Variants in NBPF19 observed in about 807,000 individuals in gnomAD.
NBPF19 encodes NBPF family member NBPF19.
Under a neutral mutation model 45.9 loss-of-function variants are expected in NBPF19, and 30 were observed. The observed-to-expected ratio is 0.65, with a 90% CI of 0.49 to 0.89. The LOEUF (loss-of-function observed/expected upper bound fraction) is 0.89. NBPF19 is among the 40% of genes least tolerant of loss of function. NBPF19 has a pLI of 0.00. For missense variants in NBPF19, 495 were observed against 471.8 expected (o/e 1.05, Z -0.46); for synonymous variants, 183 against 181.2 (o/e 1.01, Z -0.08).
At chr1:149,516,351 G>GTCTC (rs1182865579) in intron 45 of NBPF19, among the ~76,000 whole-genome samples, 15 of 119,016 alleles carry the variant, frequency 1.3e-4, no homozygotes, top group Admixed American at 1.6e-4. Flanking sequence ...CTCTGTCTCT[G>GTCTC]TCTCTCTCTC....
Position 149,477,045 on chromosome 1 carries a change from G to A in NBPF19, c.176-900G>A, listed in dbSNP as rs1404812143. Among the ~76,000 whole-genome samples, 4 of 150,700 alleles carry A rather than the reference G, an allele frequency of 2.7e-5. No individual in the cohort carries two copies. The East Asian group carries it at 7.8e-4, about 29-fold the overall frequency. Reference sequence around the variant, plus strand: ...GTGCACAGGCTCTTGTTCCTAAAGAGGAAAGATCACACCGGAGAATGTGTG... The same window carrying A: ...GTGCACAGGCTCTTGTTCCTAAAGAAGAAAGATCACACCGGAGAATGTGTG... On this transcript the variant is annotated intron_variant, in intron 2 of 93. Coordinates refer to ENST00000651566, the MANE Select transcript of NBPF19 (RefSeq NM_001351365.2).
At chr1:149,484,383 A>G (rs2085387757) in intron 7 of NBPF19, among the ~76,000 whole-genome samples, 2 of 136,822 alleles carry the variant, frequency 1.5e-5, no homozygotes, top group African/African-American at 2.8e-5. Context: ...GCATTAGGAG[A>G]TATACCTAAT....
Position 149,554,415 on chromosome 1 carries a change from A to T in NBPF19, c.11289-80A>T, listed in dbSNP as rs1234579046. The T allele has an allele frequency of 4.5e-5, 72 of 1,606,148 alleles. 1 individual carries two copies. The Admixed American group carries it at 7.7e-4, about 17-fold the overall frequency. Reference sequence around the variant, plus strand: ...CTTTTTCTTTTCTAACCACTTCCTTATGTGACTTCTGAAATCTAGTGGGGC... The same window carrying T: ...CTTTTTCTTTTCTAACCACTTCCTTTTGTGACTTCTGAAATCTAGTGGGGC... On this transcript the variant is annotated intron_variant, in intron 93 of 93. Coordinates refer to ENST00000651566, the MANE Select transcript of NBPF19 (RefSeq NM_001351365.2).
In NBPF19 at chr1:149,487,517, T is replaced by G. The variant is rs1233556492; in HGVS notation, c.1040+134T>G. 3.3e-3 allele frequency: 3,364 copies of G among 1,004,984 alleles called. 108 individuals carry two copies. The highest frequency in any genetic ancestry group is 4.5e-3 in the Non-Finnish European group (2,865 of 639,196). The allele number at this position is 1,004,984 out of a possible 1,614,324, so 62.3% of individuals were successfully genotyped here. On this transcript the variant is annotated intron_variant, in intron 9 of 93. Coordinates refer to ENST00000651566, the MANE Select transcript of NBPF19 (RefSeq NM_001351365.2). Reference sequence around the variant, plus strand: ...TCTGAATTATGCCTAATACATTGCTTTTTTGTTCTCATTAGAGTAAATGTT... The same window carrying G: ...TCTGAATTATGCCTAATACATTGCTGTTTTGTTCTCATTAGAGTAAATGTT...
Position 149,555,058 on chromosome 1 carries a change from G to C in NBPF19, c.*320G>C, listed in dbSNP as rs2087215165. On this transcript the variant is annotated 3_prime_UTR_variant, in exon 94 of 94. Coordinates refer to ENST00000651566, the MANE Select transcript of NBPF19 (RefSeq NM_001351365.2). ...TTTCATTTTGCAGGCATGTCTCTGA[G>C]CTTCTATACCTGCTCAAGGTCAGTG... The C allele has an allele frequency of 2.3e-6, 1 of 425,740 alleles. No homozygotes were observed. The highest frequency in any genetic ancestry group is 2.0e-5 in the African/African-American group (1 of 49,418). 26.4% of individuals were successfully genotyped at this position (425,740 alleles called of 1,614,324 possible).
Position 149,478,922 on chromosome 1 carries a change from C to G in NBPF19, c.321C>G (p.Thr107=). Residue 107 remains threonine (T), a synonymous_variant, in exon 4 of 94, where the codon ACC becomes ACG. Coordinates refer to ENST00000651566, the MANE Select transcript of NBPF19 (RefSeq NM_001351365.2). ...TTCACTCTCAGGAACGAGAGCTGAC[C>G]CAGTTAAGGGAGAAGTTACGGGAAG... The part of the protein sequence containing the change: ...VLFHSQEREL[T]QLREKLREGR... The G allele has an allele frequency of 3.1e-6, 5 of 1,606,072 alleles. No individual in the cohort carries two copies. The highest frequency in any genetic ancestry group is 3.3e-5 in the Admixed American group (2 of 59,786).
chr1:149,519,861 G>A lies in NBPF19; in HGVS notation c.6055+1G>A. On this transcript the variant is annotated splice_donor_variant, in intron 50 of 93. Transcript: ENST00000651566. LOFTEE classifies it high-confidence loss of function. ...GTTGGCTTTTCTCTTGACGTGGGAG[G>A]TGAGTACCTTTCTATGAAGGTGATA... The A allele has an allele frequency of 2.2e-5, 1 of 46,312 alleles. No individual in the cohort carries two copies. Among genetic ancestry groups the A allele is most frequent in the Admixed American group, 5.1e-4 (1 of 1,942 alleles). 2.9% of individuals were successfully genotyped at this position (46,312 alleles called of 1,614,324 possible). A position where few individuals can be genotyped will look rare whatever the true frequency, so the allele number is the denominator to read the frequency against.
rs2085019205 is a variant in NBPF19 at position 149,479,195 on chromosome 1, T to C, written c.493+101T>C. 9 of 1,528,358 alleles carry C rather than the reference T, an allele frequency of 5.9e-6. 2 individuals are homozygous for C. Among genetic ancestry groups the C allele is most frequent in the Admixed American group, 3.4e-5 (2 of 58,850 alleles). 94.7% of individuals were successfully genotyped at this position (1,528,358 alleles called of 1,614,324 possible). A position where few individuals can be genotyped will look rare whatever the true frequency, so the allele number is the denominator to read the frequency against. ...GACAGTTATATCAGTGGGGTTTTTT[T>C]CTACTACACCTATGTGGCCATGACA... On this transcript the variant is annotated intron_variant, in intron 4 of 93. Coordinates refer to ENST00000651566, the MANE Select transcript of NBPF19 (RefSeq NM_001351365.2).
At chr1:149,487,516 T>C in intron 9 of NBPF19, 133 bp downstream of exon 9, 4 of 999,454 alleles carry the variant, frequency 4.0e-6, no homozygotes, top group Non-Finnish European at 4.7e-6. Flanking sequence ...AATACATTGC[T>C]TTTTTGTTCT....
chr1:149,486,018 T>C, intron 7 of NBPF19, 112 bp from the exon 8 acceptor site: 1 of 183,022 alleles, frequency 5.5e-6, no homozygotes, highest in South Asian at 3.0e-5. Flanking sequence ...AAAAATGCCT[T>C]TGGTTTCTGT....
rs1241855020 is a variant in NBPF19, at chr1:149,538,447, G to C, written c.8811-229G>C. 4.1e-4 allele frequency among the ~76,000 whole-genome samples: 14 copies of C among 34,362 alleles called. 2 individuals are homozygous for C. The highest frequency in any genetic ancestry group is 1.0e-3 in the Non-Finnish European group (13 of 13,048). 22.5% of individuals were successfully genotyped at this position (34,362 alleles called of 152,430 possible). The stretch of plus-strand genomic sequence containing the variant: ...TCTCTCTCTCTCTCTGTGTGTGTGT[G>C]TGTGTGTGTGTGTGTGTGTGTGTGT... On this transcript the variant is annotated intron_variant, in intron 73 of 93. Transcript: ENST00000651566.
intron 8 of NBPF19, 70 bp from the exon 9 acceptor site, chr1:149,487,262 T>A (rs2101607126): frequency 2.7e-6 from 3 of 1,128,982 alleles, no homozygotes; most frequent in East Asian, 2.3e-5. Flanking sequence ...GTGTTAGGAT[T>A]GGACAGAGGA....
chr1:149,484,671 C>T (rs2085410069), intron 7 of NBPF19, among the ~76,000 whole-genome samples: 1 of 143,250 alleles, frequency 7.0e-6, no homozygotes, highest in East Asian at 2.3e-4. Flanking sequence ...CAACCTTTCT[C>T]TCTGGCTGCC....
chr1:149,477,961 A>C lies in NBPF19; in HGVS notation c.192A>C (p.Lys64Asn), dbSNP rs1174923012. The part of the protein sequence containing the change: ...RQKKYKYEEC[K>N]DLIKFMLRNE... Reference sequence around the variant, plus strand: ...TTTTCTCAGAGTATGAAGAGTGTAAAGACCTCATAAAATTTATGCTGAGGA... The same window carrying C: ...TTTTCTCAGAGTATGAAGAGTGTAACGACCTCATAAAATTTATGCTGAGGA... The change falls in exon 3 of 94, where the codon AAA (lysine) becomes AAC (asparagine). Residue 64 changes from lysine (K) to asparagine (N), a missense_variant. Transcript: ENST00000651566. 3.5e-6 allele frequency: 5 copies of C among 1,416,898 alleles called. No homozygotes were observed. The highest frequency in any genetic ancestry group is 5.0e-6 in the Non-Finnish European group (5 of 1,010,078). 87.8% of individuals were successfully genotyped at this position (1,416,898 alleles called of 1,614,324 possible). A position where few individuals can be genotyped will look rare whatever the true frequency, so the allele number is the denominator to read the frequency against.
rs1288411088 is a variant in NBPF19 at position 149,521,011 on chromosome 1, G to C, written c.6165-308G>C. 5.0e-4 allele frequency among the ~76,000 whole-genome samples: 24 copies of C among 47,586 alleles called. 1 individual carries two copies. The highest frequency in any genetic ancestry group is 3.4e-4 in the African/African-American group (4 of 11,748). 31.2% of individuals were successfully genotyped at this position (47,586 alleles called of 152,430 possible). Reference sequence around the variant, plus strand: ...TGTGTGTCATGAGGGCACTAACTCAGAGTGTCCTTTTACTCCCTTACCAGT... The same window carrying C: ...TGTGTGTCATGAGGGCACTAACTCACAGTGTCCTTTTACTCCCTTACCAGT... On this transcript the variant is annotated intron_variant, in intron 51 of 93. Coordinates refer to ENST00000651566, the MANE Select transcript of NBPF19 (RefSeq NM_001351365.2).
At chr1:149,483,804 G>C (rs2085350720) in intron 7 of NBPF19, among the ~76,000 whole-genome samples, 1 of 61,388 alleles carries the variant, frequency 1.6e-5, no homozygotes, top group Non-Finnish European at 3.1e-5. Context: ...TGTTTGGCTG[G>C]ATATGAAATT....
chr1:149,477,568 C>G (rs2101541193), intron 2 of NBPF19, among the ~76,000 whole-genome samples: 1 of 151,254 alleles, frequency 6.6e-6, no homozygotes, highest in Admixed American at 6.6e-5. Context: ...AGGGGCCTTC[C>G]CGACTGTACA....
Position 149,475,416 on chromosome 1 carries a change from CAGTG to C in NBPF19, c.-412_-409del, listed in dbSNP as rs1290787352. 2.0e-5 allele frequency among the ~76,000 whole-genome samples: 3 copies of C among 150,454 alleles called. No individual in the cohort carries two copies. The highest frequency in any genetic ancestry group is 7.3e-5 in the African/African-American group (3 of 40,830). On this transcript the variant is annotated 5_prime_UTR_variant, in exon 1 of 94. An upstream open reading frame in the 5' UTR loses its in-frame stop. Transcript: ENST00000651566. ...TGATGTTGTACAGACAAGAGATAAA[CAGTG>C]AGGAATATGCTTAGATGTATTGGGA... is the stretch of plus-strand genomic sequence containing the variant.
intron 8 of NBPF19, among the ~76,000 whole-genome samples, 175 bp downstream of exon 8, chr1:149,486,468 G>T (rs1191022764): frequency 6.7e-6 from 1 of 150,098 alleles, no homozygotes; most frequent in Non-Finnish European, 1.5e-5. Flanking sequence ...CAGGCATGGG[G>T]TGGGTCAGTG....
Sources: gnomAD v4.1 joint callset for allele counts (sites outside exome capture counted in the v4.1 genomes callset) on GRCh38, gnomAD v4.1.1 for gene constraint, MANE v1.5 for transcripts, NCBI Gene and HGNC (gene_info 2026-07-23, HGNC 2026-07-21) for gene names.